NRCAM: variants seen among roughly 807,000 people sequenced by gnomAD.
NRCAM encodes neuronal cell adhesion molecule.
In NRCAM, 83 loss-of-function variants were observed where a neutral mutation model predicts 156.5. That is an observed-to-expected ratio of 0.53 (90% confidence interval 0.44 to 0.64). The LOEUF (loss-of-function observed/expected upper bound fraction) is 0.64, where lower values mean the gene tolerates loss of function less well. Among genes scored for constraint, NRCAM ranks in the 30% least tolerant of loss-of-function variants. NRCAM has a pLI of 0.00. For synonymous variants in NRCAM, 538 were observed against 563.9 expected (o/e 0.95, Z 0.65); for missense variants, 1,417 against 1,597.3 (o/e 0.89, Z 1.92).
At chr7:108,194,806 G>C (rs895258113) in intron 15 of NRCAM, among the ~76,000 whole-genome samples, 28 of 152,240 alleles carry the variant, frequency 1.8e-4, no homozygotes, top group African/African-American at 6.8e-4. Context: ...GGACCTGACA[G>C]ATGATCAGTA....
intron 3 of NRCAM, among the ~76,000 whole-genome samples, chr7:108,243,898 ATTCAAGGTTCCCTTAT>A (rs1562921932): frequency 6.6e-6 from 1 of 152,198 alleles, no homozygotes; most frequent in African/African-American, 2.4e-5. Context: ...AAGAAATGCA[ATTCAAGGTTCCCTTAT>A]TTCTTTTGCC....
chr7:108,178,451 T>TGAAA (rs1490746736), intron 25 of NRCAM: 1 of 382,708 alleles, frequency 2.6e-6, no homozygotes, highest in Non-Finnish European at 5.0e-6. Context: ...AGCTACCAAG[T>TGAAA]GAAACTATTC....
Position 108,306,848 on chromosome 7 carries a change from T to A in NRCAM, c.-107+5817A>T, listed in dbSNP as rs567646455. 1.2e-4 allele frequency among the ~76,000 whole-genome samples: 19 copies of A among 152,318 alleles called. No individual in the cohort carries two copies. The South Asian group carries it at 3.9e-3, about 32-fold the overall frequency. On this transcript the variant is annotated intron_variant, in intron 3 of 32. Transcript: ENST00000379028. ...TACCAAGTGTCTAATGGGCAATCCA[T>A]TTACACATCTCTTCCCATATTATTC...
At chr7:108,268,524 C>A (rs569485916) in intron 3 of NRCAM, among the ~76,000 whole-genome samples, 1 of 150,698 alleles carries the variant, frequency 6.6e-6, no homozygotes, top group African/African-American at 2.4e-5. Context: ...GTATTCCATG[C>A]TTCTGAAAGT....
chr7:108,235,806 C>T (rs2094915865), intron 5 of NRCAM, among the ~76,000 whole-genome samples: 1 of 152,130 alleles, frequency 6.6e-6, no homozygotes, highest in Non-Finnish European at 1.5e-5. Flanking sequence ...CAATTCCACA[C>T]AACAAAGACT....
intron 2 of NRCAM, among the ~76,000 whole-genome samples, chr7:108,382,530 G>C (rs2099706200): frequency 6.6e-6 from 1 of 151,998 alleles, no homozygotes; most frequent in Non-Finnish European, 1.5e-5. Context: ...GATTGCTTAA[G>C]CCCAGGAGTT....
intron 4 of NRCAM, among the ~76,000 whole-genome samples, chr7:108,239,377 G>A (rs11980771): frequency 0.28 from 43,066 of 152,008 alleles, 6,550 homozygotes; most frequent in African/African-American, 0.39. Flanking sequence ...CTCTAGATAA[G>A]ATACTTTTCC....
intron 2 of NRCAM, among the ~76,000 whole-genome samples, chr7:108,341,517 G>A (rs574891721): frequency 3.9e-5 from 6 of 152,234 alleles, no homozygotes; most frequent in Non-Finnish European, 8.8e-5. Flanking sequence ...CCCTTGTTAG[G>A]GAGAGACATT....
chr7:108,397,245 G>T (rs1237481861), intron 2 of NRCAM, among the ~76,000 whole-genome samples: 1 of 152,054 alleles, frequency 6.6e-6, no homozygotes, highest in African/African-American at 2.4e-5. Flanking sequence ...ACAGATTCGT[G>T]GACCTTTAAA....
In NRCAM at chr7:108,176,603, T is replaced by A; in HGVS notation, c.2978A>T (p.Asn993Ile). 1 of 1,610,080 alleles carries A rather than the reference T, an allele frequency of 6.2e-7. No individual in the cohort carries two copies. Among genetic ancestry groups the A allele is most frequent in the Non-Finnish European group, 8.5e-7 (1 of 1,178,168 alleles). The part of the protein sequence containing the change: ...TEYTLKYQPI[N>I]STHELGPLVD... ...CAGAGGGCCTAATTCATGTGTGCTG[T>A]TAACTGTCAATAAGAAATAATGAAC... is the stretch of plus-strand genomic sequence containing the variant. The change falls in exon 27 of 33, where the codon AAC (asparagine) becomes ATC (isoleucine). Residue 993 changes from asparagine (N) to isoleucine (I), a missense_variant. This residue lies in a region of NRCAM where 1,238 missense variants were observed against 1,336.4 expected (regional missense o/e 0.93). Transcript: ENST00000379028.
At chr7:108,340,224 A>G (rs2099260247) in intron 2 of NRCAM, among the ~76,000 whole-genome samples, 1 of 152,198 alleles carries the variant, frequency 6.6e-6, no homozygotes, top group African/African-American at 2.4e-5. Flanking sequence ...GGGGTAAATA[A>G]TGAACCAAAG....
intron 3 of NRCAM, among the ~76,000 whole-genome samples, chr7:108,276,876 T>G (rs1217207760): frequency 1.3e-5 from 2 of 152,198 alleles, no homozygotes; most frequent in Non-Finnish European, 2.9e-5. Context: ...GCGGTACTGG[T>G]TGTTCATTTC....
At chr7:108,324,226 G>T (rs1247628080) in intron 2 of NRCAM, among the ~76,000 whole-genome samples, 1 of 152,024 alleles carries the variant, frequency 6.6e-6, no homozygotes, top group Non-Finnish European at 1.5e-5. Context: ...CCACATAAAA[G>T]GCTCTTACAA....
chr7:108,321,832 TTTCA>T (rs2099005169), intron 2 of NRCAM, among the ~76,000 whole-genome samples: 1 of 152,254 alleles, frequency 6.6e-6, no homozygotes, highest in African/African-American at 2.4e-5. Context: ...AAAATTCTTC[TTTCA>T]AACAAACTTT....
intron 15 of NRCAM, among the ~76,000 whole-genome samples, 186 bp from the exon 16 acceptor site, chr7:108,194,614 G>A (rs1172758512): frequency 6.6e-6 from 1 of 152,214 alleles, no homozygotes; most frequent in African/African-American, 2.4e-5. Context: ...GTATGTCAGA[G>A]AGGAGAAGTG....
chr7:108,284,956 T>C (rs1218922838), intron 3 of NRCAM, among the ~76,000 whole-genome samples: 3 of 152,212 alleles, frequency 2.0e-5, no homozygotes, highest in Non-Finnish European at 4.4e-5. Context: ...GTAGAAGGGC[T>C]CATTCACCTA....
chr7:108,435,205 T>C (rs964308394), intron 1 of NRCAM, among the ~76,000 whole-genome samples: 20 of 152,202 alleles, frequency 1.3e-4, no homozygotes, highest in African/African-American at 4.8e-4. Flanking sequence ...TCTCAAATTT[T>C]TTTAAAGAAA....
intron 1 of NRCAM, among the ~76,000 whole-genome samples, chr7:108,418,926 C>G (rs1805445173): frequency 6.6e-6 from 1 of 151,914 alleles, no homozygotes; most frequent in South Asian, 2.1e-4. Flanking sequence ...TTTGAAAAAT[C>G]GAGTGTTTCA....
At chr7:108,331,973 C>G (rs763654705) in intron 2 of NRCAM, among the ~76,000 whole-genome samples, 1 of 152,140 alleles carries the variant, frequency 6.6e-6, no homozygotes, top group Non-Finnish European at 1.5e-5. Flanking sequence ...GTTAAAGTAG[C>G]CCATAAACTA....
Sources: allele counts gnomAD v4.1 joint callset (sites outside exome capture counted in the v4.1 genomes callset), GRCh38; gene constraint gnomAD v4.1.1; regional missense constraint gnomAD v4.1.1; transcripts MANE v1.5; gene names NCBI Gene and HGNC (gene_info 2026-07-23, HGNC 2026-07-21).